Variants in CDH23 observed in about 807,000 individuals in gnomAD.
The protein encoded by CDH23 is cadherin related 23, also known as cadherin-23.
Under a neutral mutation model 317.1 loss-of-function variants are expected in CDH23, and 189 were observed. The ratio of observed to expected loss-of-function variants is 0.60; its 90% CI spans 0.53 to 0.67. The LOEUF (loss-of-function observed/expected upper bound fraction) is 0.67. CDH23 is among the 30% of genes least tolerant of loss of function. The pLI, the probability that CDH23 is intolerant of heterozygous loss-of-function variation, is 0.00. For synonymous variants in CDH23, 1,839 were observed against 1,876.8 expected (o/e 0.98, Z 0.52); for missense variants, 4,401 against 4,592.4 (o/e 0.96, Z 1.20).
chr10:71,806,766 G>A (rs1237344354), intron 57 of CDH23, among the ~76,000 whole-genome samples: 3 of 152,048 alleles, frequency 2.0e-5, no homozygotes, highest in South Asian at 2.1e-4. Flanking sequence ...TAGTAGAGAC[G>A]GGTTTTTGCC....
At chr10:71,574,499 A>G (rs888052444) in intron 8 of CDH23, among the ~76,000 whole-genome samples, 1 of 152,084 alleles carries the variant, frequency 6.6e-6, no homozygotes, top group African/African-American at 2.4e-5. Flanking sequence ...GGCAGCTCTC[A>G]TCGGAAGTCC....
At chr10:71,810,151 G>C in intron 61 of CDH23, 75 bp downstream of exon 61, 1 of 1,558,320 alleles carries the variant, frequency 6.4e-7, no homozygotes, top group South Asian at 1.2e-5. Flanking sequence ...AGGAGAGACA[G>C]GGCATTGTGC....
chr10:71,719,655 C>A (rs1447353146), intron 28 of CDH23: 1 of 152,860 alleles, frequency 6.5e-6, no homozygotes, highest in Non-Finnish European at 1.5e-5. Flanking sequence ...CCGTCCGGAG[C>A]TCCGTGGAGA....
intron 3 of CDH23, among the ~76,000 whole-genome samples, chr10:71,495,191 T>C (rs942952312): frequency 6.6e-6 from 1 of 152,130 alleles, no homozygotes; most frequent in African/African-American, 2.4e-5. Flanking sequence ...TGTGATAAAT[T>C]AGTGCGATAT....
intron 22 of CDH23, among the ~76,000 whole-genome samples, chr10:71,701,489 C>T (rs1377578899): frequency 6.6e-6 from 1 of 152,168 alleles, no homozygotes; most frequent in South Asian, 2.1e-4. Flanking sequence ...AGGCTGTAGG[C>T]CGGGGAGTTG....
chr10:71,475,357 G>C (rs1012286117), intron 3 of CDH23, among the ~76,000 whole-genome samples: 1 of 152,178 alleles, frequency 6.6e-6, no homozygotes, highest in African/African-American at 2.4e-5. Flanking sequence ...GATGGTCTTA[G>C]ACTCTCTGGT....
At chr10:71,547,721 T>C (rs774120575) in intron 6 of CDH23, among the ~76,000 whole-genome samples, 1 of 152,194 alleles carries the variant, frequency 6.6e-6, no homozygotes, top group Non-Finnish European at 1.5e-5. Flanking sequence ...GGTTTCTGGC[T>C]CAGTGGTGGG....
At chr10:71,687,262 C>A (rs1261863200) in intron 18 of CDH23, among the ~76,000 whole-genome samples, 1 of 152,162 alleles carries the variant, frequency 6.6e-6, no homozygotes, top group Non-Finnish European at 1.5e-5. Context: ...CGCAGGGGTC[C>A]AAGTGGGCAT....
rs1299263380 is a variant in CDH23, at chr10:71,397,594, C to T, written c.-6+276C>T. Among the ~76,000 whole-genome samples the T allele has an allele frequency of 2.0e-5, 3 of 152,088 alleles. No homozygotes were observed. Among genetic ancestry groups the T allele is most frequent in the Non-Finnish European group, 2.9e-5 (2 of 67,990 alleles). ...GTTGGCCTTGGGAGGACAGGCATCC[C>T]ATCCCCCATCCCCGGTCCTGGGACC... On this transcript the variant is annotated intron_variant, in intron 1 of 69. Transcript: ENST00000224721. The surrounding 1 kb of genome is among the most constrained non-coding windows in gnomAD (Gnocchi z 4.8).
chr10:71,727,191 G>A (rs976027482), intron 30 of CDH23, among the ~76,000 whole-genome samples: 6 of 152,226 alleles, frequency 3.9e-5, no homozygotes, highest in Admixed American at 1.3e-4. Context: ...TGACAAGACT[G>A]AGGCAAAGAG....
chr10:71,713,394 T>TGCTGGGTGGGGAGG (rs1433603648), intron 28 of CDH23: 1 of 686,184 alleles, frequency 1.5e-6, no homozygotes, highest in Non-Finnish European at 2.7e-6. Context: ...CCGGAGTGAA[T>TGCTGGGTGGGGAGG]GAGTCTCTTT....
intron 14 of CDH23, among the ~76,000 whole-genome samples, chr10:71,656,631 C>T (rs898320490): frequency 2.0e-5 from 3 of 152,058 alleles, no homozygotes; most frequent in African/African-American, 7.3e-5. Flanking sequence ...GCTACTGCAT[C>T]GTTATATCAA....
chr10:71,448,315 T>C (rs1016169444), intron 3 of CDH23, among the ~76,000 whole-genome samples: 2 of 152,232 alleles, frequency 1.3e-5, no homozygotes, highest in African/African-American at 4.8e-5. Context: ...CTCTTGATTG[T>C]CTTTTGCAAA....
At chr10:71,527,222 G>C (rs1047037013) in intron 6 of CDH23, among the ~76,000 whole-genome samples, 2 of 152,362 alleles carry the variant, frequency 1.3e-5, no homozygotes, top group Admixed American at 6.5e-5. Flanking sequence ...CCCCTGCACA[G>C]GGCACGCACG....
intron 11 of CDH23, among the ~76,000 whole-genome samples, chr10:71,625,741 C>G (rs1399809091): frequency 6.6e-6 from 1 of 152,242 alleles, no homozygotes; most frequent in Non-Finnish European, 1.5e-5. Context: ...TCCTGCGGGC[C>G]TCTTCGGCTT....
chr10:71,444,154 C>T (rs1412812156), intron 2 of CDH23, among the ~76,000 whole-genome samples: 2 of 152,252 alleles, frequency 1.3e-5, no homozygotes, highest in East Asian at 1.9e-4. Context: ...GCCTTCCCGT[C>T]GGCTGCAAAG....
intron 3 of CDH23, among the ~76,000 whole-genome samples, chr10:71,483,231 T>C (rs1852165578): frequency 6.6e-6 from 1 of 152,214 alleles, no homozygotes; most frequent in Non-Finnish European, 1.5e-5. Flanking sequence ...GCATTCACTC[T>C]CACCCTTCCA....
At chr10:71,487,561 G>A (rs1589128900) in intron 3 of CDH23, among the ~76,000 whole-genome samples, 3 of 152,114 alleles carry the variant, frequency 2.0e-5, no homozygotes, top group Admixed American at 2.0e-4. Flanking sequence ...GTAAATTAAT[G>A]GCATAATAAA....
At chr10:71,758,745 AG>A (rs1375307297) in intron 38 of CDH23, among the ~76,000 whole-genome samples, 1 of 152,062 alleles carries the variant, frequency 6.6e-6, no homozygotes, top group African/African-American at 2.4e-5. Flanking sequence ...GAATTCCCTG[AG>A]GCTAGGCATG....
Sources: gnomAD v4.1 joint callset for allele counts (sites outside exome capture counted in the v4.1 genomes callset) on GRCh38, gnomAD v4.1.1 for gene constraint, Gnocchi (gnomAD v3.1) non-coding constraint, MANE v1.5 for transcripts, NCBI Gene and HGNC (gene_info 2026-07-23, HGNC 2026-07-21) for gene names.